Variants in DERL2 observed in about 807,000 individuals in gnomAD.
DERL2 encodes the protein derlin 2.
DERL2 carries 13 observed loss-of-function variants against 32.0 expected under a neutral mutation model. The ratio of observed to expected loss-of-function variants is 0.41; its 90% CI spans 0.26 to 0.65. DERL2 has a LOEUF of 0.65. Among genes scored for constraint, DERL2 ranks in the 30% least tolerant of loss-of-function variants. The probability of loss-of-function intolerance (pLI) is 0.35; values close to 1 mark genes in which losing one functional copy is unlikely to be tolerated. For missense variants in DERL2, 208 were observed against 296.3 expected (o/e 0.70, Z 2.19); for synonymous variants, 111 against 104.7 (o/e 1.06, Z -0.37).
At chr17:5,479,247 C>T (rs1407993340) in intron 6 of DERL2, among the ~76,000 whole-genome samples, 1 of 152,148 alleles carries the variant, frequency 6.6e-6, no homozygotes, top group Non-Finnish European at 1.5e-5. Flanking sequence ...CTGAAGAATA[C>T]ACATTGAAAA....
chr17:5,483,020 C>A, intron 2 of DERL2, 138 bp from the exon 3 acceptor site: 1 of 447,826 alleles, frequency 2.2e-6, no homozygotes, highest in Non-Finnish European at 4.0e-6. Flanking sequence ...TGTTCTGAAA[C>A]AAAAACGGGG....
At position 5,480,568 on chromosome 17, in the gene DERL2, A is replaced by G; in HGVS notation, c.342T>C (p.Phe114=). The G allele has an allele frequency of 6.6e-7, 1 of 1,518,774 alleles. No homozygotes were observed. Among genetic ancestry groups the G allele is most frequent in the Non-Finnish European group, 8.8e-7 (1 of 1,140,500 alleles). The allele number at this position is 1,518,774 out of a possible 1,614,324, so 94.1% of individuals were successfully genotyped here. The change falls in exon 5 of 7, where the codon TTT becomes TTC. Residue 114 remains phenylalanine, a synonymous_variant. Coordinates refer to ENST00000158771, the MANE Select transcript of DERL2 (RefSeq NM_016041.5). The part of the protein sequence containing the change: ...GGFLMTLFGL[F]VSLVFLGQAF... ...CCTGGCCCAAGAAAACTAAGCTCACAAACAGACCAAAAAGCTAGCAGATGG... is the reference window on the plus strand; with the variant it reads ...CCTGGCCCAAGAAAACTAAGCTCACGAACAGACCAAAAAGCTAGCAGATGG...
upstream of DERL2, chr17:5,486,356 G>GCC (rs150601778): frequency 0.028 from 10,581 of 377,636 alleles, 234 homozygotes; most frequent in East Asian, 0.12. Flanking sequence ...CGTCGCCACC[G>GCC]CCCCCCCCCA....
rs1905448219 is a variant in DERL2, at chr17:5,477,145, T to C, written c.615-2356A>G. 2.6e-5 allele frequency among the ~76,000 whole-genome samples: 4 copies of C among 152,164 alleles called. No individual in the cohort carries two copies. The South Asian group carries it at 8.3e-4, about 31-fold the overall frequency. On this transcript the variant is annotated intron_variant, in intron 6 of 6. Coordinates refer to ENST00000158771, the MANE Select transcript of DERL2 (RefSeq NM_016041.5). ...CAGATGGAAAGGAGTGGTACATTCA[T>C]ACAACCAAATAATATTCAGCAATAA...
chr17:5,480,591 T>C lies in DERL2; in HGVS notation c.328-9A>G. On this transcript the variant is annotated splice_polypyrimidine_tract_variant and intron_variant, in intron 4 of 6. Transcript: ENST00000158771. ...ACAAACAGACCAAAAAGCTAGCAGA[T>C]GGCATTAAGGAAAATATCAACATTA... 2 of 1,483,550 alleles carry C rather than the reference T, an allele frequency of 1.3e-6. No homozygotes were observed. The highest frequency in any genetic ancestry group is 8.9e-7 in the Non-Finnish European group (1 of 1,121,030). The allele number at this position is 1,483,550 out of a possible 1,614,324, so 91.9% of individuals were successfully genotyped here.
In DERL2 at chr17:5,474,659, G is replaced by A; in HGVS notation, c.*25C>T. 6.4e-7 allele frequency: 1 copy of A among 1,568,932 alleles called. No individual in the cohort carries two copies. The highest frequency in any genetic ancestry group is 8.7e-7 in the Non-Finnish European group (1 of 1,147,582). On this transcript the variant is annotated 3_prime_UTR_variant, in exon 7 of 7. Transcript: ENST00000158771. This position sits in a 1 kb window ranked among gnomAD's most constrained non-coding sequence, Gnocchi z 4.3. ...GGGTATCACCGAGTCCTTCCCAGCT[G>A]GGTCTCATTATTGGCACTGCTGCTT...
At position 5,474,698 on chromosome 17, in the gene DERL2, G is replaced by A; in HGVS notation, c.706C>T (p.Arg236Trp). ...PGGFAWGEGQ[R>W]LGG ...GCACTGCTGCTTTAACCTCCAAGCC[G>A]CTGGCCCTCACCCCAGGCGAAGCCT... is the stretch of plus-strand genomic sequence containing the variant. Residue 236 changes from arginine (R) to tryptophan (W), a missense_variant, in exon 7 of 7, where the codon CGG becomes TGG. Around this residue, in one of 3 missense-constraint regions of DERL2, gnomAD observed 40 missense variants for 38.7 expected, o/e 1.03. Coordinates refer to ENST00000158771, the MANE Select transcript of DERL2 (RefSeq NM_016041.5). The surrounding 1 kb of genome is among the most constrained non-coding windows in gnomAD (Gnocchi z 4.3). 2 of 1,610,806 alleles carry A rather than the reference G, an allele frequency of 1.2e-6. No homozygotes were observed. Among genetic ancestry groups the A allele is most frequent in the Non-Finnish European group, 1.7e-6 (2 of 1,178,734 alleles).
At chr17:5,486,247 C>A (rs895658722), upstream of DERL2, 2 of 1,118,546 alleles carry the variant, frequency 1.8e-6, no homozygotes, top group Non-Finnish European at 2.5e-6. Context: ...GGCCCAAAGG[C>A]CCCCCGCCCA....
In DERL2 at chr17:5,480,477, C is replaced by T. The variant is rs900248837; in HGVS notation, c.433G>A (p.Gly145Ser). 1.9e-6 allele frequency: 3 copies of T among 1,612,670 alleles called. No individual in the cohort carries two copies. Among genetic ancestry groups the T allele is most frequent in the Non-Finnish European group, 1.7e-6 (2 of 1,179,624 alleles). The change falls in exon 5 of 7, where the codon GGC (glycine) becomes AGC (serine). Residue 145 changes from glycine to serine, a missense_variant. Physicochemically the swap from Gly to Ser is moderately conservative, Grantham distance 56. Around this residue, in one of 3 missense-constraint regions of DERL2, gnomAD observed 124 missense variants for 215.3 expected, o/e 0.58. Coordinates refer to ENST00000158771, the MANE Select transcript of DERL2 (RefSeq NM_016041.5). ...AAGGGGGCCTGGAAGTTGAGAAGGC[C>T]GAAGAAGTTCATGCGGACATAGGGG... ...RNPYVRMNFF[G>S]LLNFQAPFLP...
chr17:5,486,248 C>A (rs1012639971), upstream of DERL2: 1 of 1,114,628 alleles, frequency 9.0e-7, no homozygotes, highest in Admixed American at 2.8e-5. Flanking sequence ...GCCCAAAGGC[C>A]CCCCGCCCAC....
chr17:5,486,317 A>C, upstream of DERL2: 2 of 508,634 alleles, frequency 3.9e-6, no homozygotes, highest in Non-Finnish European at 7.0e-6. Flanking sequence ...TAGAGACCTA[A>C]GGAACGCACA....
Position 5,486,060 on chromosome 17 carries a change from G to A in DERL2, c.93+9C>T, listed in dbSNP as rs1906250642. 2 of 1,607,356 alleles carry A rather than the reference G, an allele frequency of 1.2e-6. No homozygotes were observed. Among genetic ancestry groups the A allele is most frequent in the Non-Finnish European group, 1.7e-6 (2 of 1,176,332 alleles). On this transcript the variant is annotated intron_variant, in intron 1 of 6. Transcript: ENST00000158771. ...CAGATAATGAGAAGGTGGCACTGCA[G>A]CTGCTCACCACGGCGGCGGTGGTGA...
chr17:5,478,792 AC>A (rs1905561372), intron 6 of DERL2, among the ~76,000 whole-genome samples: 2 of 152,196 alleles, frequency 1.3e-5, no homozygotes, highest in African/African-American at 4.8e-5. Context: ...GGTGGAAAAA[AC>A]AATTATGGCA....
rs776526313 is a variant in DERL2, at chr17:5,486,143, G to C, written c.19C>G (p.Arg7Gly). The part of the protein sequence containing the change: MAYQSL[R>G]LEYLQIPPVS... ...GGTGGGATCTGCAGGTACTCCAGCCGCAAGCTCTGGTACGCCATCTTCCCC... is the reference window on the plus strand; with the variant it reads ...GGTGGGATCTGCAGGTACTCCAGCCCCAAGCTCTGGTACGCCATCTTCCCC... Residue 7 changes from arginine (R) to glycine (G), a missense_variant, in exon 1 of 7, where the codon CGG becomes GGG. By Grantham distance (125) the Arg-to-Gly change is moderately radical. Coordinates refer to ENST00000158771, the MANE Select transcript of DERL2 (RefSeq NM_016041.5). 2 of 1,608,454 alleles carry C rather than the reference G, an allele frequency of 1.2e-6. No homozygotes were observed. The highest frequency in any genetic ancestry group is 1.7e-6 in the Non-Finnish European group (2 of 1,177,418).
chr17:5,478,472 G>A (rs1340192796), intron 6 of DERL2, among the ~76,000 whole-genome samples: 1 of 152,192 alleles, frequency 6.6e-6, no homozygotes, highest in Non-Finnish European at 1.5e-5. Flanking sequence ...CTAGGAAAGG[G>A]TAAATAAAAT....
chr17:5,478,868 G>A (rs1454831852), intron 6 of DERL2, among the ~76,000 whole-genome samples: 2 of 152,214 alleles, frequency 1.3e-5, no homozygotes, highest in Non-Finnish European at 2.9e-5. Flanking sequence ...CCCCCAGCCC[G>A]AAGTGCAGTG....
upstream of DERL2, chr17:5,486,432 T>G: frequency 6.2e-6 from 2 of 321,260 alleles, no homozygotes; most frequent in Non-Finnish European, 1.1e-5. Context: ...TAAGTACAGG[T>G]TCCTTCTGCC....
upstream of DERL2, chr17:5,486,328 T>C: frequency 4.8e-6 from 2 of 416,262 alleles, no homozygotes; most frequent in South Asian, 3.4e-5. Context: ...GGAACGCACA[T>C]CCGCCAATCA....
rs1442296044 is a variant in DERL2 at position 5,473,979 on chromosome 17, T to C, written c.*705A>G. On this transcript the variant is annotated 3_prime_UTR_variant, in exon 7 of 7. Coordinates refer to ENST00000158771, the MANE Select transcript of DERL2 (RefSeq NM_016041.5). ...GCTGACTTTCCTATAGCTGAATTCC[T>C]ACTGCTACAAGAACCATCCTCCCTC... 4 of 152,228 alleles carry C rather than the reference T, an allele frequency of 2.6e-5. No individual in the cohort carries two copies. Among genetic ancestry groups the C allele is most frequent in the Admixed American group, 6.5e-5 (1 of 15,288 alleles). 9.4% of individuals were successfully genotyped at this position (152,228 alleles called of 1,614,324 possible). A position where few individuals can be genotyped will look rare whatever the true frequency, so the allele number is the denominator to read the frequency against.
Sources: gnomAD v4.1 joint callset for allele counts (sites outside exome capture counted in the v4.1 genomes callset) on GRCh38, gnomAD v4.1.1 for gene constraint, gnomAD v4.1.1 regional missense constraint, Gnocchi (gnomAD v3.1) non-coding constraint, MANE v1.5 for transcripts, NCBI Gene and HGNC (gene_info 2026-07-23, HGNC 2026-07-21) for gene names.